PKN3: variants seen among roughly 807,000 people sequenced by gnomAD.
PKN3 encodes the protein serine/threonine-protein kinase N3.
A neutral mutation model predicts 113.1 loss-of-function variants in PKN3; 91 were observed. That is an observed-to-expected ratio of 0.80 (90% confidence interval 0.68 to 0.96). PKN3 has a LOEUF of 0.96. PKN3 is among the 40% of genes least tolerant of loss of function. PKN3 has a pLI of 0.00. For missense variants in PKN3, 1,052 were observed against 1,202.2 expected, an observed-to-expected ratio of 0.88 and a Z score of 1.85; for synonymous variants, 467 against 499.0, an observed-to-expected ratio of 0.94 and a Z score of 0.85.
chr9:128,719,537 G>A, intron 18 of PKN3, 149 bp from the exon 19 acceptor site: 1 of 812,460 alleles, frequency 1.2e-6, no homozygotes, highest in Non-Finnish European at 1.9e-6. Flanking sequence ...TCTGCATGCA[G>A]TCAAATGGCG....
At chr9:128,710,855 T>C (rs929729007) in intron 6 of PKN3, among the ~76,000 whole-genome samples, 2 of 152,158 alleles carry the variant, frequency 1.3e-5, no homozygotes, top group African/African-American at 4.8e-5. Flanking sequence ...GGAGTACTTA[T>C]GGCCAAGTAG....
intron 16 of PKN3, among the ~76,000 whole-genome samples, chr9:128,717,270 A>G (rs1367320169): frequency 6.7e-6 from 1 of 149,874 alleles, no homozygotes; most frequent in Non-Finnish European, 1.5e-5. Context: ...CTGGGATTAC[A>G]GGCATGCACC....
intron 15 of PKN3, among the ~76,000 whole-genome samples, chr9:128,716,167 G>A (rs1862331175): frequency 6.6e-6 from 1 of 151,650 alleles, no homozygotes; most frequent in Admixed American, 6.6e-5. Context: ...TTAGCTGGGC[G>A]TGGTGGTGCA....
chr9:128,702,723 C>G lies in PKN3; in HGVS notation c.-193C>G. 2.0e-6 allele frequency: 1 copy of G among 503,254 alleles called. No individual in the cohort carries two copies. The highest frequency in any genetic ancestry group is 3.6e-5 in the East Asian group (1 of 27,838). 31.2% of individuals were successfully genotyped at this position (503,254 alleles called of 1,614,324 possible). A position where few individuals can be genotyped will look rare whatever the true frequency, so the allele number is the denominator to read the frequency against. ...GCGCGGGACCTCGGGCGTGGGGTCC[C>G]GGGCGCTGGATCGGCGCGGACGGGA... is the stretch of plus-strand genomic sequence containing the variant. On this transcript the variant is annotated 5_prime_UTR_variant, in exon 1 of 22. Coordinates refer to ENST00000291906, the MANE Select transcript of PKN3 (RefSeq NM_013355.5).
chr9:128,707,332 C>T lies in PKN3; in HGVS notation c.762C>T (p.Thr254=). ...CCCACCCTTTGCGCAGCAGAGTGACCCGAGAGTTGCGGGCTGCGGTGCCTG... is the reference window on the plus strand; with the variant it reads ...CCCACCCTTTGCGCAGCAGAGTGACTCGAGAGTTGCGGGCTGCGGTGCCTG... ...PPAHPLRSRV[T]RELRAAVPGY... is the part of the protein sequence containing the mutation. Residue 254 remains threonine (T), a synonymous_variant, in exon 6 of 22, where the codon ACC becomes ACT. Coordinates refer to ENST00000291906, the MANE Select transcript of PKN3 (RefSeq NM_013355.5). 7 of 1,613,932 alleles carry T rather than the reference C, an allele frequency of 4.3e-6. No homozygotes were observed. Among genetic ancestry groups the T allele is most frequent in the Middle Eastern group, 1.7e-4 (1 of 6,060 alleles).
chr9:128,712,935 A>G, intron 6 of PKN3, 117 bp from the exon 7 acceptor site: 1 of 1,089,548 alleles, frequency 9.2e-7, no homozygotes, highest in South Asian at 1.5e-5. Flanking sequence ...TCAGGTGGGT[A>G]CGGTCTGGGT....
chr9:128,713,278 G>A lies in PKN3; in HGVS notation c.983G>A (p.Ser328Asn), dbSNP rs199826404. Residue 328 changes from serine to asparagine, a missense_variant and splice_region_variant, in exon 8 of 22, where the codon AGC becomes AAC. Physicochemically the swap from Ser to Asn is conservative, Grantham distance 46 (BLOSUM62 1). This residue lies in a region of PKN3 where 719 missense variants were observed against 759.4 expected (regional missense o/e 0.95). Transcript: ENST00000291906. ...CTGAGTCCCGGCTCTGGCCCTGCAG[G>A]CGAGGTGCTGGCTGTGCTAAAGGTG... ...KHQRGRGELA[S>N]EVLAVLKVDN... The A allele has an allele frequency of 6.1e-5, 98 of 1,613,944 alleles. No homozygotes were observed. In the African/African-American group the frequency reaches 1.0e-3, roughly 17 times the overall value.
rs748504331 is a variant in PKN3, at chr9:128,705,483, G to C, written c.205G>C (p.Gly69Arg). 3.2e-6 allele frequency: 5 copies of C among 1,562,972 alleles called. No homozygotes were observed. The highest frequency in any genetic ancestry group is 4.3e-6 in the Non-Finnish European group (5 of 1,154,678). ...SSNRRLEQLHGELRELHARIL... is the reference protein window; with the variant it reads ...SSNRRLEQLHRELRELHARIL... The stretch of plus-strand genomic sequence containing the variant: ...CAACCGCCGCCTGGAGCAGCTGCAT[G>C]GCGAGCTGCGGGAGCTGCACGCCCG... The change falls in exon 2 of 22, where the codon GGC becomes CGC. Residue 69 changes from glycine to arginine, a missense_variant. Around this residue, in one of 2 missense-constraint regions of PKN3, gnomAD observed 719 missense variants for 759.4 expected, o/e 0.95. Coordinates refer to ENST00000291906, the MANE Select transcript of PKN3 (RefSeq NM_013355.5).
rs1202006911 is a variant in PKN3 at position 128,706,919 on chromosome 9, C to T, written c.547C>T (p.Leu183=). ...EPGPELLAEE[L]QHRLHVEAAV... ...AGGGCCTGAGCTGCTGGCGGAGGAG[C>T]TACAGCATCGACTGCACGTTGAGGC... The change falls in exon 5 of 22, where the codon CTA becomes TTA. Residue 183 remains leucine, a synonymous_variant. Transcript: ENST00000291906. The T allele has an allele frequency of 3.1e-6, 5 of 1,614,074 alleles. No individual in the cohort carries two copies. In the East Asian group the frequency reaches 1.1e-4, roughly 36 times the overall value.
At chr9:128,713,878 G>A (rs571905364) in intron 9 of PKN3, among the ~76,000 whole-genome samples, 168 bp from the exon 10 acceptor site, 1 of 152,294 alleles carries the variant, frequency 6.6e-6, no homozygotes, top group East Asian at 1.9e-4. Flanking sequence ...CTGGGCCTCT[G>A]TTTCTCCACT....
chr9:128,702,882 T>A lies in PKN3; in HGVS notation c.-34T>A, dbSNP rs774102826. ...CTGCGGCTTCCGGGACCGGAGTGGC[T>A]GAGAGAAGGGCCCCAAGCGGCCGGA... On this transcript the variant is annotated 5_prime_UTR_variant, in exon 1 of 22. Transcript: ENST00000291906. The A allele has an allele frequency of 6.8e-7, 1 of 1,468,212 alleles. No homozygotes were observed. Among genetic ancestry groups the A allele is most frequent in the Non-Finnish European group, 9.1e-7 (1 of 1,099,864 alleles). 90.9% of individuals were successfully genotyped at this position (1,468,212 alleles called of 1,614,324 possible).
intron 6 of PKN3, among the ~76,000 whole-genome samples, chr9:128,708,877 C>T (rs1862098082): frequency 6.6e-6 from 1 of 151,970 alleles, no homozygotes; most frequent in Non-Finnish European, 1.5e-5. Flanking sequence ...TCTGGTCTGG[C>T]TCAGTGGCTC....
intron 17 of PKN3, 81 bp downstream of exon 17, chr9:128,718,468 G>T: frequency 6.3e-7 from 1 of 1,583,386 alleles, no homozygotes; most frequent in Non-Finnish European, 8.7e-7. Context: ...GCCTCCGCCT[G>T]CCTGGGCTGC....
intron 3 of PKN3, among the ~76,000 whole-genome samples, chr9:128,706,498 A>G (rs544285889): frequency 1.3e-3 from 195 of 152,298 alleles, no homozygotes; most frequent in Non-Finnish European, 2.4e-3. Context: ...CCGTGATATG[A>G]AAGAGGAAAT....
At chr9:128,705,174 C>A in intron 1 of PKN3, 129 bp from the exon 2 acceptor site, 2 of 1,246,738 alleles carry the variant, frequency 1.6e-6, no homozygotes, top group South Asian at 2.8e-5. Flanking sequence ...GAGAGGCTTC[C>A]AAAACCCTGT....
chr9:128,716,118 A>C (rs1482309002), intron 15 of PKN3, among the ~76,000 whole-genome samples: 5 of 151,372 alleles, frequency 3.3e-5, no homozygotes, highest in Non-Finnish European at 7.4e-5. Flanking sequence ...GCCAGCCTGG[A>C]CAACATGGTG....
At chr9:128,719,040 C>T (rs375615991) in intron 18 of PKN3, among the ~76,000 whole-genome samples, 5 of 151,946 alleles carry the variant, frequency 3.3e-5, no homozygotes, top group Non-Finnish European at 4.4e-5. Context: ...GGACTACAAG[C>T]GAGCACCACC....
At chr9:128,703,763 C>A (rs139821584) in intron 1 of PKN3, 2 of 985,198 alleles carry the variant, frequency 2.0e-6, no homozygotes, top group African/African-American at 3.5e-5. Flanking sequence ...CCAAGCCAGT[C>A]GTTTAGGCCG....
rs953960345 is a variant in PKN3, at chr9:128,703,910, G to A, written c.24+971G>A. ...CCTGCAGCGGCAGCTGGGTGACTCA[G>A]GACCCCGGTGGCCGGGCCCCCAGCT... On this transcript the variant is annotated intron_variant, in intron 1 of 21. Transcript: ENST00000291906. 7.1e-6 allele frequency: 7 copies of A among 985,350 alleles called. No homozygotes were observed. In the African/African-American group the frequency reaches 1.2e-4, roughly 17 times the overall value. The allele number at this position is 985,350 out of a possible 1,614,324, so 61.0% of individuals were successfully genotyped here.
Sources: gnomAD v4.1 joint callset for allele counts (sites outside exome capture counted in the v4.1 genomes callset) on GRCh38, gnomAD v4.1.1 for gene constraint, gnomAD v4.1.1 regional missense constraint, MANE v1.5 for transcripts, NCBI Gene and HGNC (gene_info 2026-07-23, HGNC 2026-07-21) for gene names.